The following ROBO1 variants were observed in gnomAD, a reference collection of about 807,000 sequenced individuals.
ROBO1 encodes roundabout homolog 1.
A neutral mutation model predicts 195.9 loss-of-function variants in ROBO1; 149 were observed. That is an observed-to-expected ratio of 0.76 (90% CI 0.67 to 0.87). The LOEUF (loss-of-function observed/expected upper bound fraction) is 0.87. ROBO1 is among the 40% of genes least tolerant of loss of function. The probability of loss-of-function intolerance (pLI) is 0.00; values close to 1 mark genes in which losing one functional copy is unlikely to be tolerated. For missense variants in ROBO1, 1,933 were observed against 2,068.3 expected (o/e 0.93, Z 1.27); for synonymous variants, 816 against 733.2 (o/e 1.11, Z -1.82).
At chr3:79,541,226 T>G (rs1942054126) in intron 2 of ROBO1, among the ~76,000 whole-genome samples, 1 of 152,124 alleles carries the variant, frequency 6.6e-6, no homozygotes, top group South Asian at 2.1e-4. Context: ...CCACACTCAT[T>G]CACCCACACT....
chr3:79,237,334 T>G lies in ROBO1; in HGVS notation c.89-111795A>C, dbSNP rs146122443. On this transcript the variant is annotated intron_variant, in intron 2 of 30. Coordinates refer to ENST00000464233, the MANE Select transcript of ROBO1 (RefSeq NM_002941.4). ...CGTGTCTACTAAAAATACAAAAAAT[T>G]AGCCAGGCGTGGTGGCGGCGCCTGT... Among the ~76,000 whole-genome samples the G allele has an allele frequency of 3.6e-3, 550 of 151,914 alleles. 5 individuals are homozygous for G. Among genetic ancestry groups the G allele is most frequent in the African/African-American group, 0.012 (510 of 41,438 alleles).
intron 2 of ROBO1, among the ~76,000 whole-genome samples, chr3:79,493,370 C>G (rs1366102361): frequency 1.3e-5 from 2 of 151,746 alleles, no homozygotes; most frequent in Non-Finnish European, 2.9e-5. Context: ...GTATCCATAA[C>G]AGAAAAACTG....
At chr3:78,778,385 T>C (rs904150488) in intron 4 of ROBO1, among the ~76,000 whole-genome samples, 1 of 152,154 alleles carries the variant, frequency 6.6e-6, no homozygotes, top group Non-Finnish European at 1.5e-5. Context: ...TTTTCTATTG[T>C]TTGGAATAGT....
intron 4 of ROBO1, among the ~76,000 whole-genome samples, chr3:78,892,038 T>C (rs1412760363): frequency 6.6e-6 from 1 of 152,242 alleles, no homozygotes; most frequent in Non-Finnish European, 1.5e-5. Flanking sequence ...CCAATAGTCA[T>C]TGGATTAGAT....
chr3:79,195,911 G>A (rs957604068), intron 2 of ROBO1, among the ~76,000 whole-genome samples: 2 of 151,118 alleles, frequency 1.3e-5, no homozygotes, highest in Non-Finnish European at 3.0e-5. Flanking sequence ...AGGAAAAGGA[G>A]GTTATAAAAC....
intron 3 of ROBO1, among the ~76,000 whole-genome samples, chr3:78,989,889 T>C (rs886698289): frequency 4.6e-5 from 7 of 152,178 alleles, no homozygotes; most frequent in African/African-American, 1.7e-4. Flanking sequence ...CTCTTCTGGA[T>C]TGTTTAAATA....
At chr3:78,716,176 C>T (rs1456951222) in intron 7 of ROBO1, among the ~76,000 whole-genome samples, 2 of 152,194 alleles carry the variant, frequency 1.3e-5, no homozygotes, top group African/African-American at 2.4e-5. Flanking sequence ...AATTCAAATT[C>T]CCCCCTCTGA....
intron 2 of ROBO1, among the ~76,000 whole-genome samples, chr3:79,327,693 C>T (rs2034268091): frequency 6.6e-6 from 1 of 151,928 alleles, no homozygotes; most frequent in Admixed American, 6.6e-5. Flanking sequence ...GTATTTCAAG[C>T]AATACATTTC....
At chr3:79,325,896 T>C (rs2034187876) in intron 2 of ROBO1, among the ~76,000 whole-genome samples, 1 of 152,148 alleles carries the variant, frequency 6.6e-6, no homozygotes, top group African/African-American at 2.4e-5. Context: ...TTTCTCTTCT[T>C]TGAAAAGCAA....
At chr3:78,842,924 A>G (rs570087480) in intron 4 of ROBO1, among the ~76,000 whole-genome samples, 1 of 152,180 alleles carries the variant, frequency 6.6e-6, no homozygotes, top group South Asian at 2.1e-4. Flanking sequence ...TTCACTACAG[A>G]GCTATTTGCT....
chr3:79,750,254 C>T (rs879286518), intron 1 of ROBO1, among the ~76,000 whole-genome samples: 2 of 152,212 alleles, frequency 1.3e-5, no homozygotes, highest in Non-Finnish European at 2.9e-5. Flanking sequence ...GATATATTTA[C>T]CCAATGCCTG....
At chr3:79,592,247 AT>A (rs1455803351) in intron 1 of ROBO1, among the ~76,000 whole-genome samples, 1 of 152,004 alleles carries the variant, frequency 6.6e-6, no homozygotes, top group Non-Finnish European at 1.5e-5. Flanking sequence ...ATTATAAGAA[AT>A]TAAACCTGAA....
chr3:78,727,072 A>G (rs2082179051), intron 5 of ROBO1, among the ~76,000 whole-genome samples: 1 of 152,108 alleles, frequency 6.6e-6, no homozygotes, highest in Admixed American at 6.5e-5. Flanking sequence ...ATGCCATCCT[A>G]TTTTTCAAAA....
At chr3:79,193,738 A>G (rs2081583687) in intron 2 of ROBO1, among the ~76,000 whole-genome samples, 1 of 151,436 alleles carries the variant, frequency 6.6e-6, no homozygotes, top group African/African-American at 2.4e-5. Flanking sequence ...TGGACTTGAT[A>G]TCAATGAATT....
chr3:79,609,248 G>T (rs1944582320), intron 1 of ROBO1, among the ~76,000 whole-genome samples: 1 of 150,682 alleles, frequency 6.6e-6, no homozygotes, highest in South Asian at 2.1e-4. Context: ...AAGTTGAATT[G>T]TTTGTCTTGC....
intron 2 of ROBO1, among the ~76,000 whole-genome samples, chr3:79,362,767 G>A (rs183728539): frequency 2.0e-3 from 301 of 152,178 alleles, no homozygotes; most frequent in Admixed American, 2.0e-3. Context: ...CTAGGCAAAA[G>A]GATTAATTTA....
rs1359260702 is a variant in ROBO1, at chr3:78,598,437, G to T, written c.*476C>A. ...ACTGATTTTGAAATCATGTTAAAAT[G>T]AAATATGTTTTAATTTGCATTAGCA... is the stretch of plus-strand genomic sequence containing the variant. On this transcript the variant is annotated 3_prime_UTR_variant, in exon 31 of 31. Transcript: ENST00000464233. The T allele has an allele frequency of 6.5e-6, 1 of 152,866 alleles. No homozygotes were observed. Among genetic ancestry groups the T allele is most frequent in the African/African-American group, 2.4e-5 (1 of 41,454 alleles). 9.5% of individuals were successfully genotyped at this position (152,866 alleles called of 1,614,324 possible). A position where few individuals can be genotyped will look rare whatever the true frequency, so the allele number is the denominator to read the frequency against.
At chr3:78,845,043 G>A (rs1163182487) in intron 4 of ROBO1, among the ~76,000 whole-genome samples, 1 of 151,994 alleles carries the variant, frequency 6.6e-6, no homozygotes, top group African/African-American at 2.4e-5. Context: ...AATTTGATTT[G>A]GTTAGAATTC....
intron 1 of ROBO1, among the ~76,000 whole-genome samples, chr3:79,669,365 G>A (rs529086117): frequency 1.4e-4 from 21 of 151,892 alleles, no homozygotes; most frequent in Non-Finnish European, 2.8e-4. Context: ...AGTCTCATAC[G>A]GGTATATCTT....
Sources: allele counts gnomAD v4.1 joint callset (sites outside exome capture counted in the v4.1 genomes callset), GRCh38; gene constraint gnomAD v4.1.1; transcripts MANE v1.5; gene names NCBI Gene and HGNC (gene_info 2026-07-23, HGNC 2026-07-21).